PARD3: variants seen among roughly 807,000 people sequenced by gnomAD.
The protein encoded by PARD3 is partitioning defective 3 homolog.
Under a neutral mutation model 155.4 loss-of-function variants are expected in PARD3, and 75 were observed. The observed-to-expected ratio is 0.48, with a 90% CI of 0.40 to 0.58. PARD3 has a LOEUF of 0.58. Ranked by LOEUF, PARD3 falls within the 20% of genes least tolerant of loss-of-function variation. The pLI is 0.00. For missense variants in PARD3, 1,642 were observed against 1,721.7 expected, an observed-to-expected ratio of 0.95 and a Z score of 0.82; for synonymous variants, 576 against 610.5, an observed-to-expected ratio of 0.94 and a Z score of 0.83.
intron 1 of PARD3, among the ~76,000 whole-genome samples, chr10:34,720,941 T>C (rs2094597243): frequency 6.6e-6 from 1 of 152,194 alleles, no homozygotes; most frequent in Admixed American, 6.5e-5. Flanking sequence ...AATTTGCCTT[T>C]AATGATTTTC....
At chr10:34,790,127 T>C (rs1048321177) in intron 1 of PARD3, among the ~76,000 whole-genome samples, 4 of 152,212 alleles carry the variant, frequency 2.6e-5, no homozygotes, top group East Asian at 1.9e-4. Context: ...TAAAGACTTA[T>C]GTGCTTTCAA....
rs146727538 is a variant in PARD3, at chr10:34,454,649, G to A, written c.583-4201C>T. On this transcript the variant is annotated intron_variant, in intron 4 of 24. Transcript: ENST00000374788. ...AAATGCCATAAGAAATTACTCTCCC[G>A]TTTTTAAATTATAACTTTAATCCTC... 3.7e-4 allele frequency among the ~76,000 whole-genome samples: 56 copies of A among 152,116 alleles called. 1 individual carries two copies. In the East Asian group the frequency reaches 6.4e-3, roughly 17 times the overall value.
intron 2 of PARD3, among the ~76,000 whole-genome samples, chr10:34,662,183 G>A (rs753218419): frequency 2.0e-5 from 3 of 152,026 alleles, no homozygotes; most frequent in Non-Finnish European, 4.4e-5. Context: ...TCAGAAAAAT[G>A]CAAATCAAAA....
intron 20 of PARD3, among the ~76,000 whole-genome samples, chr10:34,306,610 T>C (rs1422171110): frequency 6.6e-6 from 1 of 151,080 alleles, no homozygotes; most frequent in African/African-American, 2.4e-5. Context: ...AATCGTGCCG[T>C]CGCACTCCAG....
At chr10:34,198,222 C>T (rs1951041784) in intron 22 of PARD3, among the ~76,000 whole-genome samples, 1 of 151,550 alleles carries the variant, frequency 6.6e-6, no homozygotes, top group East Asian at 1.9e-4. Context: ...CTTAAGGAAC[C>T]ATATTAAATT....
intron 16 of PARD3, among the ~76,000 whole-genome samples, chr10:34,337,869 C>T (rs1397391854): frequency 6.6e-6 from 1 of 152,132 alleles, no homozygotes; most frequent in African/African-American, 2.4e-5. Context: ...TTCTAGCCTT[C>T]TTATGTATCT....
intron 1 of PARD3, among the ~76,000 whole-genome samples, chr10:34,806,197 A>ATTTTTT (rs34269930): frequency 7.7e-6 from 1 of 130,344 alleles, no homozygotes; most frequent in Non-Finnish European, 1.6e-5. Flanking sequence ...TGTCTGGCTA[A>ATTTTTT]TTTTTTTTTT....
intron 3 of PARD3, among the ~76,000 whole-genome samples, chr10:34,504,581 T>G (rs916614472): frequency 6.6e-6 from 1 of 152,240 alleles, no homozygotes; most frequent in African/African-American, 2.4e-5. Context: ...AGACTTCTTT[T>G]TTTCCTTTAA....
Position 34,360,095 on chromosome 10 carries a change from A to G in PARD3, c.1872T>C (p.Ile624=). The G allele has an allele frequency of 6.2e-7, 1 of 1,614,066 alleles. No homozygotes were observed. Among genetic ancestry groups the G allele is most frequent in the African/African-American group, 1.3e-5 (1 of 75,042 alleles). ...HADLGIFVKS[I]INGGAASKDG... is the part of the protein sequence containing the mutation. ...CTTTAGATGCTGCTCCTCCATTAAT[A>G]ATGGACTTGACAAAGATTCCCAAAT... The change falls in exon 13 of 25, where the codon ATT becomes ATC. Residue 624 remains isoleucine (I), a synonymous_variant. Transcript: ENST00000374788.
intron 1 of PARD3, among the ~76,000 whole-genome samples, chr10:34,757,666 G>A (rs11009920): frequency 0.024 from 3,595 of 151,890 alleles, 148 homozygotes; most frequent in African/African-American, 0.083. Context: ...AGCCAAGATC[G>A]TGCCACTGGG....
intron 2 of PARD3, among the ~76,000 whole-genome samples, chr10:34,557,824 CTTGGGAGGCTAAG>C (rs2085128258): frequency 6.6e-6 from 1 of 151,356 alleles, no homozygotes. Context: ...GTCCCAGCTA[CTTGGGAGGCTAAG>C]GTGGGAGGAC....
intron 1 of PARD3, among the ~76,000 whole-genome samples, chr10:34,806,197 A>ATTTT (rs34269930): frequency 7.7e-6 from 1 of 130,340 alleles, no homozygotes; most frequent in African/African-American, 2.8e-5. Context: ...TGTCTGGCTA[A>ATTTT]TTTTTTTTTT....
rs1437440972 is a variant in PARD3 at position 34,690,029 on chromosome 10, C to A, written c.222+6289G>T. On this transcript the variant is annotated intron_variant, in intron 2 of 24. Coordinates refer to ENST00000374788, the MANE Select transcript of PARD3 (RefSeq NM_001184785.2). Reference sequence around the variant, plus strand: ...GGCGATCTCAGCTCACTGCAACCTCCGTCCCCTGGGTTCAAGCAGTTCTCC... The same window carrying A: ...GGCGATCTCAGCTCACTGCAACCTCAGTCCCCTGGGTTCAAGCAGTTCTCC... 4.6e-5 allele frequency among the ~76,000 whole-genome samples: 7 copies of A among 152,138 alleles called. 1 individual carries two copies. The highest frequency in any genetic ancestry group is 4.6e-4 in the Admixed American group (7 of 15,284).
At position 34,460,629 on chromosome 10, in the gene PARD3, C is replaced by T. The variant is rs575822513; in HGVS notation, c.582+9456G>A. Among the ~76,000 whole-genome samples, 246 of 152,008 alleles carry T rather than the reference C, an allele frequency of 1.6e-3. 1 individual carries two copies. Among genetic ancestry groups the T allele is most frequent in the Non-Finnish European group, 3.3e-3 (221 of 67,972 alleles). On this transcript the variant is annotated intron_variant, in intron 4 of 24. Coordinates refer to ENST00000374788, the MANE Select transcript of PARD3 (RefSeq NM_001184785.2). ...CGGGTGGATAACGAGGTCAGGAGAT[C>T]GAGACCATCCTGACTAACACGGTGA...
intron 3 of PARD3, among the ~76,000 whole-genome samples, chr10:34,497,723 T>C (rs928260755): frequency 2.0e-5 from 3 of 152,192 alleles, no homozygotes; most frequent in African/African-American, 4.8e-5. Flanking sequence ...ACAAGTTAAA[T>C]GAGCTAGGAA....
chr10:34,592,958 CT>C (rs1417613987), intron 2 of PARD3, among the ~76,000 whole-genome samples: 1 of 152,160 alleles, frequency 6.6e-6, no homozygotes, highest in East Asian at 1.9e-4. Context: ...TACTGCATGC[CT>C]ACCTGGGCCA....
chr10:34,341,846 T>A (rs1564606510), intron 15 of PARD3, 30 bp from the exon 16 acceptor site: 1 of 1,395,910 alleles, frequency 7.2e-7, no homozygotes, highest in East Asian at 2.3e-5. Context: ...GAAGAGAAAA[T>A]TCTAGACATC....
chr10:34,513,152 AAAAATTG>A (rs1282368547), intron 3 of PARD3, among the ~76,000 whole-genome samples: 3 of 152,226 alleles, frequency 2.0e-5, no homozygotes, highest in Non-Finnish European at 4.4e-5. Context: ...TGTAAAAATT[AAAAATTG>A]ATCATTTTAT....
chr10:34,445,941 C>G (rs969835681), intron 5 of PARD3, among the ~76,000 whole-genome samples: 8 of 152,102 alleles, frequency 5.3e-5, no homozygotes, highest in African/African-American at 1.4e-4. Flanking sequence ...CCCACCGCAG[C>G]CCCAGTTCCA....
Sources: gnomAD v4.1 joint callset for allele counts (sites outside exome capture counted in the v4.1 genomes callset) on GRCh38, gnomAD v4.1.1 for gene constraint, MANE v1.5 for transcripts, NCBI Gene and HGNC (gene_info 2026-07-23, HGNC 2026-07-21) for gene names.